Variants in DOCK2 observed in about 807,000 individuals in gnomAD.
DOCK2 encodes the protein dedicator of cytokinesis 2.
DOCK2 carries 87 observed loss-of-function variants against 248.9 expected under a neutral mutation model. The observed-to-expected ratio is 0.35, with a 90% CI of 0.29 to 0.42. The LOEUF (loss-of-function observed/expected upper bound fraction) is 0.42. Ranked by LOEUF, DOCK2 falls within the 10% of genes least tolerant of loss-of-function variation. The probability of loss-of-function intolerance (pLI) is 1.00; values close to 1 mark genes in which losing one functional copy is unlikely to be tolerated. For missense variants in DOCK2, 1,747 were observed against 2,300.2 expected, an observed-to-expected ratio of 0.76 and a Z score of 4.92; for synonymous variants, 805 against 821.6, an observed-to-expected ratio of 0.98 and a Z score of 0.35.
rs116130436 is a variant in DOCK2 at position 169,964,038 on chromosome 5, G to A, written c.2800-19030G>A. 4.0e-3 allele frequency among the ~76,000 whole-genome samples: 614 copies of A among 152,202 alleles called. 2 individuals carry two copies. Among genetic ancestry groups the A allele is most frequent in the African/African-American group, 0.014 (592 of 41,510 alleles). On this transcript the variant is annotated intron_variant, in intron 27 of 51. Coordinates refer to ENST00000520908, the MANE Select transcript of DOCK2 (RefSeq NM_004946.3). Reference sequence around the variant, plus strand: ...GTGGCAGGATTGGGGGAGGGAGAAGGGGGAGGAGAATTAAAGAAAGGTTGA... The same window carrying A: ...GTGGCAGGATTGGGGGAGGGAGAAGAGGGAGGAGAATTAAAGAAAGGTTGA...
chr5:169,917,406 G>A (rs574975676), intron 27 of DOCK2, among the ~76,000 whole-genome samples: 15 of 152,160 alleles, frequency 9.9e-5, no homozygotes, highest in Non-Finnish European at 2.2e-4. Flanking sequence ...AGTAAAAATA[G>A]GGATTCTAGA....
At chr5:169,644,801 C>A (rs1757358572) in intron 1 of DOCK2, among the ~76,000 whole-genome samples, 1 of 152,014 alleles carries the variant, frequency 6.6e-6, no homozygotes, top group Non-Finnish European at 1.5e-5. Flanking sequence ...GCAACTCCCC[C>A]ACCCCCTGAC....
chr5:169,823,056 C>G (rs1768576344), intron 26 of DOCK2, among the ~76,000 whole-genome samples: 1 of 152,144 alleles, frequency 6.6e-6, no homozygotes, highest in Non-Finnish European at 1.5e-5. Context: ...TACACCCTCC[C>G]AAGACTAAAC....
At chr5:169,790,355 GTAT>G (rs964379438) in intron 25 of DOCK2, among the ~76,000 whole-genome samples, 1 of 152,060 alleles carries the variant, frequency 6.6e-6, no homozygotes, top group Non-Finnish European at 1.5e-5. Flanking sequence ...TCAGTACGTG[GTAT>G]TATTATTCTA....
At chr5:169,708,321 C>T (rs1318518484) in intron 15 of DOCK2, 54 bp downstream of exon 15, 1 of 1,536,402 alleles carries the variant, frequency 6.5e-7, no homozygotes, top group African/African-American at 1.4e-5. Context: ...ATGAACCAGG[C>T]ACTGTTTTAA....
chr5:169,694,815 T>TA (rs984502190), intron 9 of DOCK2, among the ~76,000 whole-genome samples: 8 of 148,742 alleles, frequency 5.4e-5, no homozygotes, highest in South Asian at 2.2e-4. Context: ...CCCCATCTCT[T>TA]AAAAAAAAAA....
intron 22 of DOCK2, among the ~76,000 whole-genome samples, chr5:169,732,760 G>A (rs984489203): frequency 2.2e-4 from 33 of 152,174 alleles, no homozygotes; most frequent in African/African-American, 7.7e-4. Flanking sequence ...GTGGAATACT[G>A]TATTTGCTTT....
intron 22 of DOCK2, among the ~76,000 whole-genome samples, chr5:169,741,753 C>T (rs1763315760): frequency 6.6e-6 from 1 of 151,426 alleles, no homozygotes; most frequent in Non-Finnish European, 1.5e-5. Flanking sequence ...GCTCTTGTTC[C>T]TGGGGTCATA....
chr5:169,965,894 T>C (rs1777279132), intron 27 of DOCK2, among the ~76,000 whole-genome samples: 1 of 152,180 alleles, frequency 6.6e-6, no homozygotes, highest in Non-Finnish European at 1.5e-5. Context: ...TTTGACGTGG[T>C]TCCTGTGCTG....
chr5:169,850,999 T>C (rs1469383841), intron 27 of DOCK2, among the ~76,000 whole-genome samples: 1 of 152,204 alleles, frequency 6.6e-6, no homozygotes. Flanking sequence ...GTTACAACAT[T>C]ACCACATGTA....
chr5:169,788,090 A>G (rs1427672542), intron 25 of DOCK2, among the ~76,000 whole-genome samples: 2 of 151,274 alleles, frequency 1.3e-5, no homozygotes, highest in Non-Finnish European at 3.0e-5. Context: ...CAAACTCATT[A>G]TTTCCAAAAC....
chr5:169,823,445 G>A (rs933567322), intron 26 of DOCK2, among the ~76,000 whole-genome samples: 2 of 152,108 alleles, frequency 1.3e-5, no homozygotes, highest in Admixed American at 1.3e-4. Flanking sequence ...CTTCATCCCT[G>A]GGATGCAAGG....
At chr5:169,693,777 C>A (rs994245682) in intron 9 of DOCK2, among the ~76,000 whole-genome samples, 45 of 152,116 alleles carry the variant, frequency 3.0e-4, no homozygotes, top group African/African-American at 9.4e-4. Flanking sequence ...TATAAGTTTG[C>A]GATCCTAAAG....
intron 13 of DOCK2, chr5:169,702,096 T>C (rs1050059541): frequency 1.6e-5 from 7 of 424,536 alleles, no homozygotes; most frequent in Non-Finnish European, 2.8e-5. Flanking sequence ...TTTTTGCAAC[T>C]GATTTCCTAG....
At chr5:170,057,688 C>T in intron 44 of DOCK2, 22 bp downstream of exon 44, 1 of 1,581,698 alleles carries the variant, frequency 6.3e-7, no homozygotes, top group African/African-American at 1.3e-5. Context: ...ACATTCGTGG[C>T]AGGGCCACCC....
At chr5:169,958,228 CAA>C (rs34936678) in intron 27 of DOCK2, among the ~76,000 whole-genome samples, 2 of 150,284 alleles carry the variant, frequency 1.3e-5, no homozygotes, top group East Asian at 1.9e-4. Flanking sequence ...CTTTGTTTTG[CAA>C]AAAAAAAAGG....
chr5:169,964,577 C>G (rs1205742145), intron 27 of DOCK2, among the ~76,000 whole-genome samples: 1 of 152,200 alleles, frequency 6.6e-6, no homozygotes, highest in African/African-American at 2.4e-5. Flanking sequence ...CCACTTTTCT[C>G]AGTGCCCAGA....
chr5:170,049,994 G>A (rs776008465), intron 40 of DOCK2, among the ~76,000 whole-genome samples: 8 of 152,308 alleles, frequency 5.3e-5, no homozygotes, highest in South Asian at 4.1e-4. Context: ...TATTCTGGAA[G>A]CTGTACATAG....
intron 25 of DOCK2, among the ~76,000 whole-genome samples, chr5:169,767,249 CTTG>C (rs1764847120): frequency 6.6e-6 from 1 of 152,014 alleles, no homozygotes; most frequent in African/African-American, 2.4e-5. Flanking sequence ...GTTGTTTTTG[CTTG>C]TTAATTTGTT....
Sources: allele counts gnomAD v4.1 joint callset (sites outside exome capture counted in the v4.1 genomes callset), GRCh38; gene constraint gnomAD v4.1.1; transcripts MANE v1.5; gene names NCBI Gene and HGNC (gene_info 2026-07-23, HGNC 2026-07-21).